Variants in OR7E24 observed in about 807,000 individuals in gnomAD.
OR7E24 encodes olfactory receptor 7E24.
For synonymous variants in OR7E24, 130 were observed against 157.5 expected (o/e 0.83, Z 1.31); for missense variants, 385 against 410.3 (o/e 0.94, Z 0.53).
chr19:9,232,538 C>CAAA, the OR7E24 span, among the ~76,000 whole-genome samples: 716 of 62,358 alleles, frequency 0.011, 25 homozygotes, highest in African/African-American at 0.032. Context: ...AACTCCGTCG[C>CAAA]AAAAAAAAAA....
chr19:9,250,957 C>T lies in OR7E24; in HGVS notation c.-87C>T. 3.1e-6 allele frequency: 3 copies of T among 972,182 alleles called. No individual in the cohort carries two copies. In the South Asian group the frequency reaches 5.3e-5, roughly 17 times the overall value. 60.2% of individuals were successfully genotyped at this position (972,182 alleles called of 1,614,324 possible). A position where few individuals can be genotyped will look rare whatever the true frequency, so the allele number is the denominator to read the frequency against. ...GGTTTGTCACAACTGAGAACTATTG[C>T]TGAGGGTGTATAATCCTATGTGAAA... On this transcript the variant is annotated 5_prime_UTR_variant, in exon 1 of 1. Transcript: ENST00000456448.
At chr19:9,242,557 C>T (rs1343207814), upstream of OR7E24, among the ~76,000 whole-genome samples, 1 of 152,124 alleles carries the variant, frequency 6.6e-6, no homozygotes, top group African/African-American at 2.4e-5. Context: ...GCCCTGAAAA[C>T]ATTTCTTTGA....
upstream of OR7E24, among the ~76,000 whole-genome samples, chr19:9,246,466 T>TGGGGTGTGTG (rs1555720675): frequency 5.3e-5 from 7 of 131,064 alleles, no homozygotes; most frequent in African/African-American, 2.1e-4. Flanking sequence ...CTTAAAGGTA[T>TGGGGTGTGTG]TGTGTGTGTG....
chr19:9,247,514 C>G (rs923736801), upstream of OR7E24: 5 of 398,748 alleles, frequency 1.3e-5, no homozygotes, highest in Non-Finnish European at 2.2e-5. Flanking sequence ...GGAAGCGCAG[C>G]TCAGTGAGTG....
the OR7E24 span, among the ~76,000 whole-genome samples, chr19:9,239,852 GCACA>G: frequency 6.6e-6 from 1 of 151,780 alleles, no homozygotes; most frequent in African/African-American, 2.4e-5. Flanking sequence ...GGGATTACAG[GCACA>G]TGCCACAGTG....
At position 9,251,272 on chromosome 19, in the gene OR7E24, A is replaced by G; in HGVS notation, c.229A>G (p.Met77Val). 1 of 1,613,740 alleles carries G rather than the reference A, an allele frequency of 6.2e-7. No individual in the cohort carries two copies. The highest frequency in any genetic ancestry group is 8.5e-7 in the Non-Finnish European group (1 of 1,179,902). The change falls in exon 1 of 1, where the codon ATG (methionine) becomes GTG (valine). Residue 77 changes from methionine (M) to valine (V), a missense_variant. Coordinates refer to ENST00000456448, the MANE Select transcript of OR7E24 (RefSeq NM_001079935.2). ...VSSDSHLHTP[M>V]YFFLSNLSLA... ...CTCTGACTCCCACCTCCACACCCCC[A>G]TGTACTTCTTCCTCTCCAACCTGTC...
the OR7E24 span, among the ~76,000 whole-genome samples, chr19:9,234,093 G>A: frequency 3.9e-5 from 6 of 152,066 alleles, no homozygotes; most frequent in South Asian, 2.1e-4. Context: ...TAGTAGAGAC[G>A]GGGTTTCACC....
chr19:9,251,479 C>A lies in OR7E24; in HGVS notation c.436C>A (p.His146Asn), dbSNP rs757295672. The A allele has an allele frequency of 6.2e-7, 1 of 1,613,994 alleles. No individual in the cohort carries two copies. Among genetic ancestry groups the A allele is most frequent in the East Asian group, 2.2e-5 (1 of 44,892 alleles). Reference protein sequence around the residue: ...MAYDRFVAICHPLHYRIIMNP... With the variant: ...MAYDRFVAICNPLHYRIIMNP... Reference sequence around the variant, plus strand: ...CTATGACCGGTTTGTGGCCATCTGTCACCCCCTGCACTACCGAATCATCAT... The same window carrying A: ...CTATGACCGGTTTGTGGCCATCTGTAACCCCCTGCACTACCGAATCATCAT... The change falls in exon 1 of 1, where the codon CAC becomes AAC. Residue 146 changes from histidine (H) to asparagine (N), a missense_variant. Transcript: ENST00000456448.
At chr19:9,237,519 G>A in the OR7E24 span, among the ~76,000 whole-genome samples, 10 of 151,898 alleles carry the variant, frequency 6.6e-5, no homozygotes, top group Admixed American at 1.3e-4. Flanking sequence ...GTTTCACCAC[G>A]TTAGCCAGGA....
At chr19:9,226,861 A>C in the OR7E24 span, among the ~76,000 whole-genome samples, 1 of 152,186 alleles carries the variant, frequency 6.6e-6, no homozygotes, top group Non-Finnish European at 1.5e-5. Flanking sequence ...GAGGAACATC[A>C]GGCAGGGACC....
At chr19:9,228,045 G>C in the OR7E24 span, among the ~76,000 whole-genome samples, 1 of 152,218 alleles carries the variant, frequency 6.6e-6, no homozygotes, top group African/African-American at 2.4e-5. Context: ...GAGCCACAGC[G>C]CCCGGCCAGA....
upstream of OR7E24, among the ~76,000 whole-genome samples, chr19:9,243,079 A>T (rs2066120493): frequency 1.3e-5 from 2 of 152,096 alleles, no homozygotes; most frequent in South Asian, 4.1e-4. Context: ...CTTTCTGGAG[A>T]TGTCTTCAGG....
the OR7E24 span, among the ~76,000 whole-genome samples, chr19:9,226,753 C>T: frequency 6.6e-6 from 1 of 152,202 alleles, no homozygotes; most frequent in South Asian, 2.1e-4. Context: ...TGAAGAGGAA[C>T]CTCTACTTAC....
chr19:9,239,258 C>A, the OR7E24 span, among the ~76,000 whole-genome samples: 38 of 152,096 alleles, frequency 2.5e-4, no homozygotes, highest in South Asian at 4.6e-3. Flanking sequence ...CAAGCTCCCC[C>A]TCCTTGGTTC....
chr19:9,249,305 G>A (rs2066138780), upstream of OR7E24, among the ~76,000 whole-genome samples: 1 of 152,126 alleles, frequency 6.6e-6, no homozygotes, highest in Non-Finnish European at 1.5e-5. Flanking sequence ...CCAAAAATTA[G>A]AATCTCTGTT....
At chr19:9,239,508 A>T in the OR7E24 span, among the ~76,000 whole-genome samples, 1 of 151,966 alleles carries the variant, frequency 6.6e-6, no homozygotes, top group Non-Finnish European at 1.5e-5. Flanking sequence ...TCTAACACGT[A>T]CAAGGTGATA....
chr19:9,225,781 C>G, the OR7E24 span, among the ~76,000 whole-genome samples: 1 of 152,158 alleles, frequency 6.6e-6, no homozygotes, highest in African/African-American at 2.4e-5. Context: ...TTATCCATTT[C>G]AGAATGAAGG....
the OR7E24 span, among the ~76,000 whole-genome samples, chr19:9,228,449 C>G: frequency 6.6e-6 from 1 of 151,074 alleles, no homozygotes; most frequent in African/African-American, 2.5e-5. Flanking sequence ...CCCCGTTAGG[C>G]TACACTTTCT....
chr19:9,223,241 T>C, the OR7E24 span, among the ~76,000 whole-genome samples: 7 of 152,326 alleles, frequency 4.6e-5, no homozygotes, highest in African/African-American at 1.7e-4. Context: ...TGTTCTGCTA[T>C]TGTCTCTTGC....
Sources: gnomAD v4.1 joint callset for allele counts (sites outside exome capture counted in the v4.1 genomes callset) on GRCh38, gnomAD v4.1.1 for gene constraint, MANE v1.5 for transcripts, NCBI Gene and HGNC (gene_info 2026-07-23, HGNC 2026-07-21) for gene names.